CAMKK1: variants seen among roughly 807,000 people sequenced by gnomAD.
CAMKK1 encodes the protein calcium/calmodulin-dependent protein kinase kinase 1.
Under a neutral mutation model 63.5 loss-of-function variants are expected in CAMKK1, and 20 were observed. The ratio of observed to expected loss-of-function variants is 0.32; its 90% CI spans 0.22 to 0.46. The LOEUF (loss-of-function observed/expected upper bound fraction) is 0.46. Among genes scored for constraint, CAMKK1 ranks in the 20% least tolerant of loss-of-function variants. CAMKK1 has a pLI of 1.00. For missense variants in CAMKK1, 588 were observed against 658.1 expected (o/e 0.89, Z 1.17); for synonymous variants, 253 against 269.0 (o/e 0.94, Z 0.58).
intron 12 of CAMKK1, among the ~76,000 whole-genome samples, chr17:3,872,111 A>G (rs2054915583): frequency 6.6e-6 from 1 of 152,196 alleles, no homozygotes; most frequent in South Asian, 2.1e-4. Flanking sequence ...GGGGAGGAAG[A>G]GTGGCTTGAG....
At position 3,889,023 on chromosome 17, in the gene CAMKK1, GC is replaced by G. The variant is rs1367535325; in HGVS notation, c.-43-3294del. Among the ~76,000 whole-genome samples, 1 of 152,094 alleles carries G rather than the reference GC, an allele frequency of 6.6e-6. No individual in the cohort carries two copies. The highest frequency in any genetic ancestry group is 1.5e-5 in the Non-Finnish European group (1 of 67,984). ...CGCAGGTGTGTTTATGCGCCTGTGT[GC>G]CTGCAGGTCTCCGTGTACCTATGCC... On this transcript the variant is annotated intron_variant, in intron 1 of 15. Transcript: ENST00000348335. The surrounding 1 kb of genome is among the most constrained non-coding windows in gnomAD (Gnocchi z 5.2).
chr17:3,876,641 T>C (rs1402848429), intron 9 of CAMKK1, among the ~76,000 whole-genome samples: 7 of 152,064 alleles, frequency 4.6e-5, no homozygotes, highest in Admixed American at 1.3e-4. Flanking sequence ...ACTGGAATCT[T>C]AGGAGTCTTT....
chr17:3,886,911 CAGG>C (rs1214660212), intron 1 of CAMKK1, among the ~76,000 whole-genome samples: 1 of 152,134 alleles, frequency 6.6e-6, no homozygotes, highest in Admixed American at 6.5e-5. Context: ...TGCATGTTCT[CAGG>C]AGAAGGAAGT....
intron 11 of CAMKK1, among the ~76,000 whole-genome samples, chr17:3,873,017 G>A (rs75136317): frequency 1.4e-3 from 217 of 152,338 alleles, no homozygotes; most frequent in African/African-American, 4.5e-3. Context: ...AGGGATCACC[G>A]ATACGTCAGC....
In CAMKK1 at chr17:3,884,474, C is replaced by T. The variant is rs1289533544; in HGVS notation, c.361-47G>A. 4 of 1,584,634 alleles carry T rather than the reference C, an allele frequency of 2.5e-6. No homozygotes were observed. Among genetic ancestry groups the T allele is most frequent in the Admixed American group, 1.7e-5 (1 of 59,450 alleles). On this transcript the variant is annotated intron_variant, in intron 2 of 15. Transcript: ENST00000348335. This position sits in a 1 kb window ranked among gnomAD's most constrained non-coding sequence, Gnocchi z 4.5. The stretch of plus-strand genomic sequence containing the variant: ...CAGGTGGAGCTGGGTCCGGAGGCAG[C>T]ACTGCTCCTACCTCAGAGCCCGTTC...
rs920312067 is a variant in CAMKK1, at chr17:3,887,722, C to T, written c.-43-1992G>A. ...GTGAGAGGCTGTGGCATAGGGAGGCCTCCCTGGAGGAGGTGAGAGGGACAG... is the reference window on the plus strand; with the variant it reads ...GTGAGAGGCTGTGGCATAGGGAGGCTTCCCTGGAGGAGGTGAGAGGGACAG... On this transcript the variant is annotated intron_variant, in intron 1 of 15. Coordinates refer to ENST00000348335, the MANE Select transcript of CAMKK1 (RefSeq NM_032294.3). This position sits in a 1 kb window ranked among gnomAD's most constrained non-coding sequence, Gnocchi z 6.1. Among the ~76,000 whole-genome samples the T allele has an allele frequency of 6.6e-6, 1 of 151,802 alleles. No individual in the cohort carries two copies. The highest frequency in any genetic ancestry group is 1.9e-4 in the East Asian group (1 of 5,162).
rs1486033468 is a variant in CAMKK1, at chr17:3,890,367, G to C, written c.-44+2572C>G. Among the ~76,000 whole-genome samples the C allele has an allele frequency of 6.6e-6, 1 of 152,098 alleles. No homozygotes were observed. The highest frequency in any genetic ancestry group is 2.4e-5 in the African/African-American group (1 of 41,396). ...TCAGCACAGCTACCCCCAGCGCATCGTCCTGGCCCACCCACGGAGGCTGAT... is the reference window on the plus strand; with the variant it reads ...TCAGCACAGCTACCCCCAGCGCATCCTCCTGGCCCACCCACGGAGGCTGAT... On this transcript the variant is annotated intron_variant, in intron 1 of 15. Coordinates refer to ENST00000348335, the MANE Select transcript of CAMKK1 (RefSeq NM_032294.3). The surrounding 1 kb of genome is among the most constrained non-coding windows in gnomAD (Gnocchi z 6.5).
In CAMKK1 at chr17:3,880,415, A is replaced by T. The variant is rs756101063; in HGVS notation, c.727T>A (p.Cys243Ser). ...TGCTCCTCCGAGAAGGGCTTGTCACAGGGCACTTCCATGACGGGCCTATGG... is the reference window on the plus strand; with the variant it reads ...TGCTCCTCCGAGAAGGGCTTGTCACTGGGCACTTCCATGACGGGCCTATGG... ...LRKGPVMEVPCDKPFSEEQAR... is the reference protein window; with the variant it reads ...LRKGPVMEVPSDKPFSEEQAR... Residue 243 changes from cysteine (C) to serine (S), a missense_variant, in exon 9 of 16, where the codon TGT (cysteine) becomes AGT (serine). Transcript: ENST00000348335. 11 of 1,613,866 alleles carry T rather than the reference A, an allele frequency of 6.8e-6. No individual in the cohort carries two copies. Among genetic ancestry groups the T allele is most frequent in the Non-Finnish European group, 9.3e-6 (11 of 1,179,940 alleles).
chr17:3,876,816 G>C (rs62071682), intron 9 of CAMKK1, among the ~76,000 whole-genome samples: 1 of 145,724 alleles, frequency 6.9e-6, no homozygotes, highest in Non-Finnish European at 1.5e-5. Context: ...GGAGTGCAAT[G>C]GCGTGATCTC....
chr17:3,881,900 G>A lies in CAMKK1; in HGVS notation c.686-252C>T. 1.1e-5 allele frequency: 6 copies of A among 550,516 alleles called. No homozygotes were observed. In the South Asian group the frequency reaches 1.2e-4, roughly 11 times the overall value. The allele number at this position is 550,516 out of a possible 1,614,324, so 34.1% of individuals were successfully genotyped here. On this transcript the variant is annotated intron_variant, in intron 7 of 15. Coordinates refer to ENST00000348335, the MANE Select transcript of CAMKK1 (RefSeq NM_032294.3). The stretch of plus-strand genomic sequence containing the variant: ...TCAGCATGGGGCCCTTTTACAGAGG[G>A]GGAAACTGAGGCACAGAGAAGGGGC...
chr17:3,870,952 C>T (rs911907799), intron 12 of CAMKK1, among the ~76,000 whole-genome samples: 6 of 152,130 alleles, frequency 3.9e-5, no homozygotes, highest in Middle Eastern at 3.2e-3. Context: ...GGGAGTGAGG[C>T]GGCCCCAGAC....
Position 3,893,012 on chromosome 17 carries a change from C to T in CAMKK1, c.-117G>A. ...CTCCTGCTGCGCGCCCCGCCCCGCC[C>T]CGCCCCGCCCCACCGCCTCGCTGGG... On this transcript the variant is annotated 5_prime_UTR_variant, in exon 1 of 16. Transcript: ENST00000348335. This position sits in a 1 kb window ranked among gnomAD's most constrained non-coding sequence, Gnocchi z 4.6. 1 of 149,400 alleles carries T rather than the reference C, an allele frequency of 6.7e-6. No individual in the cohort carries two copies. The highest frequency in any genetic ancestry group is 1.9e-4 in the South Asian group (1 of 5,348). The allele number at this position is 149,400 out of a possible 1,614,324, so 9.3% of individuals were successfully genotyped here.
In CAMKK1 at chr17:3,880,408, T is replaced by C. The variant is rs1295005715; in HGVS notation, c.734A>G (p.Lys245Arg). 1 of 1,613,294 alleles carries C rather than the reference T, an allele frequency of 6.2e-7. No homozygotes were observed. The highest frequency in any genetic ancestry group is 8.5e-7 in the Non-Finnish European group (1 of 1,179,768). ...GCGAGCTTGCTCCTCCGAGAAGGGC[T>C]TGTCACAGGGCACTTCCATGACGGG... Reference protein sequence around the residue: ...KGPVMEVPCDKPFSEEQARLY... With the variant: ...KGPVMEVPCDRPFSEEQARLY... The change falls in exon 9 of 16, where the codon AAG (lysine) becomes AGG (arginine). Residue 245 changes from lysine (K) to arginine (R), a missense_variant. Around this residue, in one of 3 missense-constraint regions of CAMKK1, gnomAD observed 357 missense variants for 407.4 expected, o/e 0.88. Coordinates refer to ENST00000348335, the MANE Select transcript of CAMKK1 (RefSeq NM_032294.3).
In CAMKK1 at chr17:3,864,832, G is replaced by T. The variant is rs369484208; in HGVS notation, c.1445+1076C>A. On this transcript the variant is annotated intron_variant, in intron 15 of 15. Transcript: ENST00000348335. ...TCCAGCAGGGAGCAGATGTCAGCTT[G>T]TCCACTACGAGGGGTCCCGACCCTT... Among the ~76,000 whole-genome samples the T allele has an allele frequency of 1.8e-4, 27 of 152,340 alleles. No individual in the cohort carries two copies. The East Asian group carries it at 1.9e-3, about 11-fold the overall frequency.
Position 3,872,613 on chromosome 17 carries a change from G to A in CAMKK1, c.1065C>T (p.Asp355=), listed in dbSNP as rs377086397. ...TCCTGTGGAGGGCCAGGATGAAATC[G>A]TCGATGAATGGGCACTGTGGGGTGG... ...CFVYGKCPFI[D]DFILALHRKI... The change falls in exon 12 of 16, where the codon GAC becomes GAT. Residue 355 remains aspartate, a synonymous_variant. Coordinates refer to ENST00000348335, the MANE Select transcript of CAMKK1 (RefSeq NM_032294.3). 3.2e-5 allele frequency: 52 copies of A among 1,613,840 alleles called. No individual in the cohort carries two copies. The Middle Eastern group carries it at 1.3e-3, about 41-fold the overall frequency.
chr17:3,881,819 G>T, intron 7 of CAMKK1, 171 bp from the exon 8 acceptor site: 1 of 644,614 alleles, frequency 1.6e-6, no homozygotes. Context: ...TGAGAGTGGG[G>T]TCTGCTATGG....
intron 14 of CAMKK1, 126 bp downstream of exon 14, chr17:3,869,361 C>G: frequency 7.6e-7 from 1 of 1,314,106 alleles, no homozygotes; most frequent in Non-Finnish European, 1.0e-6. Flanking sequence ...ATGGCGGCTC[C>G]AGTGGCCCAG....
In CAMKK1 at chr17:3,862,173, G is replaced by T. The variant is rs957852302; in HGVS notation, c.*38C>A. 8 of 1,539,344 alleles carry T rather than the reference G, an allele frequency of 5.2e-6. No individual in the cohort carries two copies. In the African/African-American group the frequency reaches 6.8e-5, roughly 13 times the overall value. The stretch of plus-strand genomic sequence containing the variant: ...GGGTGGGCCTCTGGAGGCGCGGGAT[G>T]AGTGTGCTGCCGGGTGGCCCTGGGT... On this transcript the variant is annotated 3_prime_UTR_variant, in exon 16 of 16. Coordinates refer to ENST00000348335, the MANE Select transcript of CAMKK1 (RefSeq NM_032294.3). This position sits in a 1 kb window ranked among gnomAD's most constrained non-coding sequence, Gnocchi z 4.1.
chr17:3,885,315 C>A lies in CAMKK1; in HGVS notation c.360+13G>T. 1 of 1,572,126 alleles carries A rather than the reference C, an allele frequency of 6.4e-7. No homozygotes were observed. Among genetic ancestry groups the A allele is most frequent in the South Asian group, 1.2e-5 (1 of 85,618 alleles). On this transcript the variant is annotated intron_variant, in intron 2 of 15. Transcript: ENST00000348335. Reference sequence around the variant, plus strand: ...AGGGGCTCATGAACAACCCCTCGTTCTGCCCCACCAACCTCTGCATCTGAG... The same window carrying A: ...AGGGGCTCATGAACAACCCCTCGTTATGCCCCACCAACCTCTGCATCTGAG...
Sources: gnomAD v4.1 joint callset for allele counts (sites outside exome capture counted in the v4.1 genomes callset) on GRCh38, gnomAD v4.1.1 for gene constraint, gnomAD v4.1.1 regional missense constraint, Gnocchi (gnomAD v3.1) non-coding constraint, MANE v1.5 for transcripts, NCBI Gene and HGNC (gene_info 2026-07-23, HGNC 2026-07-21) for gene names.